Variants in LPP observed in about 807,000 individuals in gnomAD.
The protein encoded by LPP is LIM domain containing preferred translocation partner in lipoma, also known as lipoma-preferred partner.
LPP carries 38 observed loss-of-function variants against 60.4 expected under a neutral mutation model. The ratio of observed to expected loss-of-function variants is 0.63; its 90% confidence interval spans 0.49 to 0.83. The LOEUF is 0.83. Among genes scored for constraint, LPP ranks in the 40% least tolerant of loss-of-function variants. LPP has a pLI of 0.00. For missense variants in LPP, 902 were observed against 783.6 expected, an observed-to-expected ratio of 1.15 and a Z score of -1.80; for synonymous variants, 328 against 290.8, an observed-to-expected ratio of 1.13 and a Z score of -1.30.
At chr3:188,629,062 A>C (rs1209959704) in intron 7 of LPP, among the ~76,000 whole-genome samples, 3 of 152,196 alleles carry the variant, frequency 2.0e-5, no homozygotes, top group Non-Finnish European at 2.9e-5. Context: ...ACATCGCTTC[A>C]TGTTAAAAAC....
chr3:188,514,452 T>A (rs78968214), intron 5 of LPP, among the ~76,000 whole-genome samples: 23 of 151,934 alleles, frequency 1.5e-4, no homozygotes, highest in Admixed American at 3.9e-4. Context: ...TTTTTTTTTT[T>A]ATTTTTTGAG....
intron 2 of LPP, chr3:188,247,106 T>A: frequency 1.1e-6 from 1 of 876,152 alleles, no homozygotes; most frequent in Non-Finnish European, 1.4e-6. Context: ...GGGCCTCACT[T>A]GACCCATCTG....
chr3:188,629,641 G>T (rs1347908448), intron 7 of LPP, among the ~76,000 whole-genome samples: 1 of 151,852 alleles, frequency 6.6e-6, no homozygotes, highest in Non-Finnish European at 1.5e-5. Context: ...AAAATTTGGG[G>T]CAGTCATACT....
At chr3:188,249,637 C>T (rs1258241113) in intron 2 of LPP, among the ~76,000 whole-genome samples, 4 of 151,432 alleles carry the variant, frequency 2.6e-5, no homozygotes, top group Admixed American at 2.6e-4. Context: ...TACATTTTCC[C>T]CTCTCCTCTT....
intron 9 of LPP, among the ~76,000 whole-genome samples, chr3:188,804,241 CTTTATATATATATATATATATATATATA>C: frequency 6.0e-5 from 1 of 16,798 alleles, no homozygotes; most frequent in East Asian, 3.6e-3. Flanking sequence ...TGTAGTGCAT[CTTTATATATATATATATATATATATATA>C]TATATATATA....
rs73050708 is a variant in LPP at position 188,368,086 on chromosome 3, T to C, written c.-10+26367T>C. ...GATCAAACAGTTTTGAAATGAAATG[T>C]TGTTAGGAGGGGGAAATAAAAACCT... On this transcript the variant is annotated intron_variant, in intron 3 of 11. Coordinates refer to ENST00000617246, the MANE Select transcript of LPP (RefSeq NM_001375462.1). Among the ~76,000 whole-genome samples the C allele has an allele frequency of 2.1e-3, 325 of 152,286 alleles. 2 individuals are homozygous for C. Among genetic ancestry groups the C allele is most frequent in the African/African-American group, 7.5e-3 (311 of 41,564 alleles).
chr3:188,429,345 T>C (rs553655612), intron 4 of LPP, among the ~76,000 whole-genome samples: 1 of 151,978 alleles, frequency 6.6e-6, no homozygotes, highest in Non-Finnish European at 1.5e-5. Context: ...TTTAATGAGA[T>C]ACATTGTTCT....
At chr3:188,267,976 A>G (rs915109534) in intron 2 of LPP, among the ~76,000 whole-genome samples, 1 of 150,770 alleles carries the variant, frequency 6.6e-6, no homozygotes, top group African/African-American at 2.4e-5. Context: ...CCTTAGGAAC[A>G]CTTATGAGAG....
intron 4 of LPP, among the ~76,000 whole-genome samples, chr3:188,413,347 A>G (rs1424369824): frequency 6.6e-6 from 1 of 152,158 alleles, no homozygotes; most frequent in Non-Finnish European, 1.5e-5. Flanking sequence ...TGGAGGTTAC[A>G]AATGGGAAAC....
intron 4 of LPP, among the ~76,000 whole-genome samples, chr3:188,444,389 C>G (rs1468575111): frequency 6.6e-6 from 1 of 151,240 alleles, no homozygotes; most frequent in African/African-American, 2.4e-5. Context: ...AAATCTTGAA[C>G]TTGAAAGAAA....
At chr3:188,168,368 C>T (rs1260828971) in intron 1 of LPP, among the ~76,000 whole-genome samples, 4 of 152,116 alleles carry the variant, frequency 2.6e-5, no homozygotes, top group African/African-American at 7.2e-5. Context: ...TAAACCATGG[C>T]GACATCCTGG....
chr3:188,446,757 A>G (rs1399133231), intron 4 of LPP, among the ~76,000 whole-genome samples: 1 of 152,210 alleles, frequency 6.6e-6, no homozygotes, highest in Non-Finnish European at 1.5e-5. Context: ...CAACATGGCA[A>G]TGGAGTGAGT....
chr3:188,741,142 C>G (rs16863569), intron 8 of LPP, among the ~76,000 whole-genome samples: 17,964 of 150,226 alleles, frequency 0.12, 1,242 homozygotes, highest in Non-Finnish European at 0.15. Context: ...TTTTCCGAAA[C>G]GTGTTATTTA....
intron 1 of LPP, among the ~76,000 whole-genome samples, chr3:188,207,692 A>C (rs1351693497): frequency 6.7e-6 from 1 of 150,284 alleles, no homozygotes; most frequent in Non-Finnish European, 1.5e-5. Flanking sequence ...TCCTGGGCTC[A>C]AGTAATACTG....
At chr3:188,396,336 C>G (rs970263939) in intron 3 of LPP, among the ~76,000 whole-genome samples, 4 of 152,098 alleles carry the variant, frequency 2.6e-5, no homozygotes, top group African/African-American at 9.7e-5. Flanking sequence ...AAAATACAAA[C>G]AGAATCATTA....
chr3:188,251,361 G>A (rs1284456058), intron 2 of LPP, among the ~76,000 whole-genome samples: 2 of 151,930 alleles, frequency 1.3e-5, no homozygotes, highest in Non-Finnish European at 2.9e-5. Flanking sequence ...TCCCAGCCAT[G>A]AAGTCAAGCA....
At chr3:188,422,908 C>A (rs1343814570) in intron 4 of LPP, among the ~76,000 whole-genome samples, 3 of 82,860 alleles carry the variant, frequency 3.6e-5, no homozygotes, top group Non-Finnish European at 7.8e-5. Context: ...TTTTTGGTGT[C>A]TTCTTTGTGT....
chr3:188,418,005 A>G (rs1178965758), intron 4 of LPP, among the ~76,000 whole-genome samples: 3 of 152,252 alleles, frequency 2.0e-5, no homozygotes, highest in Admixed American at 1.3e-4. Flanking sequence ...TGAAATGTTC[A>G]TTACAACTTG....
At chr3:188,322,115 G>A (rs1287005555) in intron 2 of LPP, among the ~76,000 whole-genome samples, 6 of 152,100 alleles carry the variant, frequency 3.9e-5, no homozygotes. Flanking sequence ...TATGTCTAAG[G>A]GCCTAAGGAC....
Sources: allele counts gnomAD v4.1 joint callset (sites outside exome capture counted in the v4.1 genomes callset), GRCh38; gene constraint gnomAD v4.1.1; transcripts MANE v1.5; gene names NCBI Gene and HGNC (gene_info 2026-07-23, HGNC 2026-07-21).